ABCC4: variants seen among roughly 807,000 people sequenced by gnomAD.
ABCC4 encodes ATP binding cassette subfamily C member 4 (PEL blood group), also known as ATP-binding cassette sub-family C member 4.
ABCC4 carries 102 observed loss-of-function variants against 168.5 expected under a neutral mutation model. The ratio of observed to expected loss-of-function variants is 0.61; its 90% confidence interval spans 0.52 to 0.71. The LOEUF (loss-of-function observed/expected upper bound fraction) is 0.71, where lower values mean the gene tolerates loss of function less well. Among genes scored for constraint, ABCC4 ranks in the 30% least tolerant of loss-of-function variants. The pLI, the probability that ABCC4 is intolerant of heterozygous loss-of-function variation, is 0.00. For synonymous variants in ABCC4, 617 were observed against 590.7 expected, an observed-to-expected ratio of 1.04 and a Z score of -0.65; for missense variants, 1,402 against 1,605.8, an observed-to-expected ratio of 0.87 and a Z score of 2.17.
At chr13:95,240,857 G>C (rs929163863) in intron 3 of ABCC4, among the ~76,000 whole-genome samples, 1 of 151,868 alleles carries the variant, frequency 6.6e-6, no homozygotes, top group African/African-American at 2.4e-5. Context: ...TGCAATCCCA[G>C]CTATTCGGGA....
At chr13:95,160,028 G>C (rs1412085580) in intron 19 of ABCC4, among the ~76,000 whole-genome samples, 3 of 151,928 alleles carry the variant, frequency 2.0e-5, no homozygotes, top group Non-Finnish European at 4.4e-5. Context: ...CAATTTGGTG[G>C]GTATGAATAG....
chr13:95,083,750 C>T (rs185921592), intron 20 of ABCC4, among the ~76,000 whole-genome samples: 1 of 152,026 alleles, frequency 6.6e-6, no homozygotes, highest in East Asian at 1.9e-4. Context: ...CTCGAACTCC[C>T]GATCTCAAGT....
Position 95,234,836 on chromosome 13 carries a change from T to C in ABCC4, c.307-2A>G, listed in dbSNP as rs917637824. 1 of 1,529,878 alleles carries C rather than the reference T, an allele frequency of 6.5e-7. No homozygotes were observed. Among genetic ancestry groups the C allele is most frequent in the Non-Finnish European group, 8.8e-7 (1 of 1,135,362 alleles). The allele number at this position is 1,529,878 out of a possible 1,614,324, so 94.8% of individuals were successfully genotyped here. A position where few individuals can be genotyped will look rare whatever the true frequency, so the allele number is the denominator to read the frequency against. ...GGGCTGGATTACTTTGGCACTTTCC[T>C]AAAAGAAGAAAAAGAAAAGCCTTTA... On this transcript the variant is annotated splice_acceptor_variant, in intron 3 of 30. Coordinates refer to ENST00000645237, the MANE Select transcript of ABCC4 (RefSeq NM_005845.5). LOFTEE classifies it high-confidence loss of function.
In ABCC4 at chr13:95,166,309, C is replaced by A. The variant is rs776168314; in HGVS notation, c.1883G>T (p.Gly628Val). 6.2e-7 allele frequency: 1 copy of A among 1,613,750 alleles called. No individual in the cohort carries two copies. The highest frequency in any genetic ancestry group is 1.1e-5 in the South Asian group (1 of 91,070). ...CTCATTATCCTTCTTTAAAAGGGAG[C>A]CAAAATCTATACCAGATTTTAGGAA... is the stretch of plus-strand genomic sequence containing the variant. ...TEFLKSGIDF[G>V]SLLKKDNEES... is the part of the protein sequence containing the mutation. Residue 628 changes from glycine (G) to valine (V), a missense_variant, in exon 15 of 31, where the codon GGC (glycine) becomes GTC (valine). Around this residue, in one of 3 missense-constraint regions of ABCC4, gnomAD observed 1,007 missense variants for 1,127.3 expected, o/e 0.89. Coordinates refer to ENST00000645237, the MANE Select transcript of ABCC4 (RefSeq NM_005845.5).
At chr13:95,097,690 G>T (rs2034654512) in intron 20 of ABCC4, among the ~76,000 whole-genome samples, 1 of 138,770 alleles carries the variant, frequency 7.2e-6, no homozygotes, top group African/African-American at 2.7e-5. Flanking sequence ...CATTTCAAAG[G>T]TTAGAAATAT....
intron 19 of ABCC4, among the ~76,000 whole-genome samples, chr13:95,123,997 C>T (rs959479880): frequency 3.3e-5 from 5 of 152,040 alleles, no homozygotes; most frequent in South Asian, 2.1e-4. Flanking sequence ...GAAAGGGTGA[C>T]GGGATGACAA....
At chr13:95,225,717 A>G (rs958520921) in intron 4 of ABCC4, among the ~76,000 whole-genome samples, 1 of 152,050 alleles carries the variant, frequency 6.6e-6, no homozygotes, top group African/African-American at 2.4e-5. Context: ...TAACAGCACA[A>G]ATGCTACTTT....
At chr13:95,225,860 G>A (rs544646457) in intron 4 of ABCC4, among the ~76,000 whole-genome samples, 48 of 149,516 alleles carry the variant, frequency 3.2e-4, no homozygotes, top group African/African-American at 1.1e-3. Flanking sequence ...AGGGCTTGGC[G>A]TGAGTGGCTC....
chr13:95,210,815 C>T, intron 4 of ABCC4, 34 bp from the exon 5 acceptor site: 1 of 1,523,512 alleles, frequency 6.6e-7, no homozygotes, highest in East Asian at 2.3e-5. Context: ...GAATTGTATT[C>T]ATGCAGTGAT....
At chr13:95,240,278 T>C (rs2039898080) in intron 3 of ABCC4, among the ~76,000 whole-genome samples, 1 of 152,242 alleles carries the variant, frequency 6.6e-6, no homozygotes, top group African/African-American at 2.4e-5. Flanking sequence ...CGCGATGTAA[T>C]CTCAGCACTT....
intron 20 of ABCC4, among the ~76,000 whole-genome samples, chr13:95,088,069 C>T (rs1477873560): frequency 2.0e-5 from 3 of 152,150 alleles, no homozygotes; most frequent in South Asian, 2.1e-4. Context: ...TGTTGGACTT[C>T]GGTTAGTGCT....
intron 19 of ABCC4, among the ~76,000 whole-genome samples, chr13:95,148,447 G>A (rs1198935994): frequency 6.6e-6 from 1 of 152,086 alleles, no homozygotes; most frequent in Non-Finnish European, 1.5e-5. Flanking sequence ...TTGCTGGTGG[G>A]TGAAGTCAAA....
intron 20 of ABCC4, among the ~76,000 whole-genome samples, chr13:95,108,377 G>A (rs2139392374): frequency 6.6e-6 from 1 of 152,288 alleles, no homozygotes; most frequent in East Asian, 1.9e-4. Flanking sequence ...ATCTCATCTT[G>A]AACTGTATGT....
chr13:95,165,554 T>C (rs1163143383), intron 15 of ABCC4, among the ~76,000 whole-genome samples: 1 of 152,184 alleles, frequency 6.6e-6, no homozygotes, highest in Non-Finnish European at 1.5e-5. Flanking sequence ...TGCTGGCCAC[T>C]GGGAACACCA....
At chr13:95,132,238 C>CA (rs1421201995) in intron 19 of ABCC4, among the ~76,000 whole-genome samples, 1 of 152,136 alleles carries the variant, frequency 6.6e-6, no homozygotes, top group Non-Finnish European at 1.5e-5. Context: ...CTTTTTGAGA[C>CA]AGAGTCTCAC....
chr13:95,214,079 C>T (rs756781860), intron 4 of ABCC4, among the ~76,000 whole-genome samples: 4 of 151,940 alleles, frequency 2.6e-5, no homozygotes, highest in Admixed American at 6.6e-5. Context: ...AGTTTAGGAG[C>T]GAGATAGGTA....
intron 19 of ABCC4, among the ~76,000 whole-genome samples, chr13:95,159,142 A>C (rs1309766036): frequency 1.0e-5 from 1 of 96,144 alleles, no homozygotes; most frequent in Non-Finnish European, 2.3e-5. Context: ...TAACTATTGA[A>C]GTGCATACAA....
intron 19 of ABCC4, among the ~76,000 whole-genome samples, chr13:95,150,164 C>T (rs1201956820): frequency 6.6e-6 from 1 of 152,076 alleles, no homozygotes; most frequent in Non-Finnish European, 1.5e-5. Context: ...TGGGGTCTTG[C>T]TATTGTCCGA....
Position 95,250,972 on chromosome 13 carries a change from G to A in ABCC4, c.75-3219C>T, listed in dbSNP as rs192337160. ...CTGGCTAATATTTTTATTTTTGATA[G>A]AGACCAGGTCTCTCTATGTTGCCCA... On this transcript the variant is annotated intron_variant, in intron 1 of 30. Transcript: ENST00000645237. Among the ~76,000 whole-genome samples the A allele has an allele frequency of 2.0e-3, 304 of 152,070 alleles. 2 individuals carry two copies. The highest frequency in any genetic ancestry group is 6.5e-3 in the African/African-American group (271 of 41,482).
Sources: gnomAD v4.1 joint callset for allele counts (sites outside exome capture counted in the v4.1 genomes callset) on GRCh38, gnomAD v4.1.1 for gene constraint, gnomAD v4.1.1 regional missense constraint, MANE v1.5 for transcripts, NCBI Gene and HGNC (gene_info 2026-07-23, HGNC 2026-07-21) for gene names.